The following ST3GAL1 variants were observed in gnomAD, a reference collection of about 807,000 sequenced individuals.
ST3GAL1 encodes ST3 beta-galactoside alpha-2,3-sialyltransferase 1, also known as CMP-N-acetylneuraminate-beta-galactosamide-alpha-2,3-sialyltransferase 1.
Under a neutral mutation model 34.1 loss-of-function variants are expected in ST3GAL1, and 16 were observed. The ratio of observed to expected loss-of-function variants is 0.47; its 90% CI spans 0.32 to 0.71. The LOEUF (loss-of-function observed/expected upper bound fraction) is 0.71, where lower values mean the gene tolerates loss of function less well. Among genes scored for constraint, ST3GAL1 ranks in the 30% least tolerant of loss-of-function variants. ST3GAL1 has a pLI of 0.04. For missense variants in ST3GAL1, 353 were observed against 447.4 expected (o/e 0.79, Z 1.90); for synonymous variants, 191 against 184.7 (o/e 1.03, Z -0.28).
Position 133,466,198 on chromosome 8 carries a change from C to T in ST3GAL1, c.307-108G>A. ...CGTTTACTGGGGCCCTCCTGTTCACCCTTCTCTCTGCTGGGCCCCCGGAGA... is the reference window on the plus strand; with the variant it reads ...CGTTTACTGGGGCCCTCCTGTTCACTCTTCTCTCTGCTGGGCCCCCGGAGA... On this transcript the variant is annotated intron_variant, in intron 5 of 9. Transcript: ENST00000522652. The surrounding 1 kb of genome is among the most constrained non-coding windows in gnomAD (Gnocchi z 4.4). The T allele has an allele frequency of 1.7e-6, 2 of 1,160,578 alleles. No homozygotes were observed. Among genetic ancestry groups the T allele is most frequent in the Non-Finnish European group, 2.4e-6 (2 of 831,088 alleles). 71.9% of individuals were successfully genotyped at this position (1,160,578 alleles called of 1,614,324 possible). A position where few individuals can be genotyped will look rare whatever the true frequency, so the allele number is the denominator to read the frequency against.
chr8:133,564,946 T>C (rs889645068), intron 1 of ST3GAL1, among the ~76,000 whole-genome samples: 1 of 152,240 alleles, frequency 6.6e-6, no homozygotes, highest in Non-Finnish European at 1.5e-5. Flanking sequence ...AAGGTCTTCA[T>C]AATGTCTTAC....
chr8:133,539,779 C>T (rs1454717597), intron 2 of ST3GAL1: 2 of 152,158 alleles, frequency 1.3e-5, no homozygotes, highest in Non-Finnish European at 2.9e-5. Context: ...CGCTCGTATT[C>T]CAGCAACTCA....
rs1351687764 is a variant in ST3GAL1 at position 133,556,052 on chromosome 8, C to T, written c.-581-10126G>A. Among the ~76,000 whole-genome samples, 2 of 150,848 alleles carry T rather than the reference C, an allele frequency of 1.3e-5. No individual in the cohort carries two copies. The highest frequency in any genetic ancestry group is 3.0e-5 in the Non-Finnish European group (2 of 67,502). ...GGGATTACAGGCACCTGCCACCACG[C>T]CTGGCTGATTTTTTTTGTATTTTAG... On this transcript the variant is annotated intron_variant, in intron 1 of 9. Coordinates refer to ENST00000522652, the MANE Select transcript of ST3GAL1 (RefSeq NM_173344.3). The surrounding 1 kb of genome is among the most constrained non-coding windows in gnomAD (Gnocchi z 8.9).
At chr8:133,490,161 G>T (rs1214741281) in intron 3 of ST3GAL1, among the ~76,000 whole-genome samples, 1 of 152,174 alleles carries the variant, frequency 6.6e-6, no homozygotes, top group Non-Finnish European at 1.5e-5. Flanking sequence ...CTAAAGTGCA[G>T]TTCCAGGTCC....
At chr8:133,552,638 GAGA>G (rs975452252) in intron 1 of ST3GAL1, among the ~76,000 whole-genome samples, 9 of 152,176 alleles carry the variant, frequency 5.9e-5, no homozygotes, top group Admixed American at 5.2e-4. Flanking sequence ...AAGTAAAAGT[GAGA>G]AGAACTTTGG....
Position 133,466,029 on chromosome 8 carries a change from A to ACTCT in ST3GAL1, c.364_367dup (p.Val123GlufsTer38). On this transcript the variant is annotated frameshift_variant, in exon 6 of 10. Coordinates refer to ENST00000522652, the MANE Select transcript of ST3GAL1 (RefSeq NM_173344.3). LOFTEE classifies it high-confidence loss of function. This position sits in a 1 kb window ranked among gnomAD's most constrained non-coding sequence, Gnocchi z 4.4. ...CATAGGGTCCACATTCCCAGGCACC[A>ACTCT]CTCTGAACAGCTCCTTGATGGTGTC... 1 of 1,614,042 alleles carries ACTCT rather than the reference A, an allele frequency of 6.2e-7. No individual in the cohort carries two copies. The highest frequency in any genetic ancestry group is 8.5e-7 in the Non-Finnish European group (1 of 1,179,964).
chr8:133,563,374 C>A (rs961705601), intron 1 of ST3GAL1, among the ~76,000 whole-genome samples: 4 of 152,106 alleles, frequency 2.6e-5, no homozygotes, highest in Non-Finnish European at 4.4e-5. Context: ...CCATTAAGGG[C>A]TTTAGAATCA....
intron 3 of ST3GAL1, among the ~76,000 whole-genome samples, chr8:133,491,758 C>T (rs73359256): frequency 0.025 from 3,777 of 152,150 alleles, 140 homozygotes; most frequent in African/African-American, 0.083. Flanking sequence ...GAGCGTCAGG[C>T]GACAGCAGGC....
chr8:133,480,862 C>G (rs1216690697), intron 3 of ST3GAL1, among the ~76,000 whole-genome samples: 1 of 152,168 alleles, frequency 6.6e-6, no homozygotes, highest in Non-Finnish European at 1.5e-5. Flanking sequence ...TGTTTACTCC[C>G]CCTTCTTGCT....
chr8:133,481,916 C>A (rs1341447558), intron 3 of ST3GAL1, among the ~76,000 whole-genome samples: 1 of 152,020 alleles, frequency 6.6e-6, no homozygotes, highest in Non-Finnish European at 1.5e-5. Flanking sequence ...ATGTTCTTTT[C>A]TTTGTGGTTG....
chr8:133,480,790 A>G (rs1816352070), intron 3 of ST3GAL1, among the ~76,000 whole-genome samples: 2 of 151,980 alleles, frequency 1.3e-5, no homozygotes, highest in Admixed American at 6.5e-5. Flanking sequence ...TATCTTCCCT[A>G]TCTTCCCCAT....
intron 2 of ST3GAL1, among the ~76,000 whole-genome samples, chr8:133,512,042 ACT>A (rs1299971479): frequency 6.6e-6 from 1 of 152,158 alleles, no homozygotes; most frequent in Non-Finnish European, 1.5e-5. Flanking sequence ...ACAGAGCGAG[ACT>A]CTGTCTCAAA....
chr8:133,569,621 C>T (rs1819506633), intron 1 of ST3GAL1, among the ~76,000 whole-genome samples: 1 of 152,118 alleles, frequency 6.6e-6, no homozygotes, highest in South Asian at 2.1e-4. Flanking sequence ...GAGTGGTGAA[C>T]TCTAGTCAGT....
intron 1 of ST3GAL1, among the ~76,000 whole-genome samples, chr8:133,558,688 G>A (rs16904952): frequency 0.03 from 4,545 of 152,234 alleles, 231 homozygotes; most frequent in African/African-American, 0.1. Flanking sequence ...ATCCGGGGCA[G>A]GTTCCTGACA....
rs1817262778 is a variant in ST3GAL1, at chr8:133,504,110, T to C, written c.-428-4921A>G. 2.0e-5 allele frequency among the ~76,000 whole-genome samples: 3 copies of C among 151,986 alleles called. No individual in the cohort carries two copies. The South Asian group carries it at 6.2e-4, about 31-fold the overall frequency. On this transcript the variant is annotated intron_variant, in intron 2 of 9. Coordinates refer to ENST00000522652, the MANE Select transcript of ST3GAL1 (RefSeq NM_173344.3). ...GATCACTGAAGCCCAGCATGGAAGG[T>C]GGGGAGGGAGGGCATCTGGAGAGTC... is the stretch of plus-strand genomic sequence containing the variant.
intron 2 of ST3GAL1, among the ~76,000 whole-genome samples, chr8:133,519,450 C>A (rs1342020221): frequency 6.6e-6 from 1 of 152,140 alleles, no homozygotes; most frequent in Non-Finnish European, 1.5e-5. Flanking sequence ...AGCTACTGAG[C>A]AAATTCCAGA....
intron 2 of ST3GAL1, among the ~76,000 whole-genome samples, chr8:133,513,378 T>G (rs190553632): frequency 3.9e-5 from 6 of 152,322 alleles, no homozygotes; most frequent in African/African-American, 1.4e-4. Context: ...ACATCACTTT[T>G]CAGGACTTTT....
intron 2 of ST3GAL1, among the ~76,000 whole-genome samples, chr8:133,505,359 G>A (rs1817299383): frequency 6.6e-6 from 1 of 152,118 alleles, no homozygotes; most frequent in South Asian, 2.1e-4. Flanking sequence ...AAAAGATTGT[G>A]GTTCCTCATC....
At chr8:133,491,104 G>A (rs980480273) in intron 3 of ST3GAL1, among the ~76,000 whole-genome samples, 2 of 152,142 alleles carry the variant, frequency 1.3e-5, no homozygotes, top group Non-Finnish European at 2.9e-5. Context: ...ACAAATAGTG[G>A]CTCAGAGTAG....
Sources: allele counts gnomAD v4.1 joint callset (sites outside exome capture counted in the v4.1 genomes callset), GRCh38; gene constraint gnomAD v4.1.1; non-coding constraint Gnocchi (gnomAD v3.1); transcripts MANE v1.5; gene names NCBI Gene and HGNC (gene_info 2026-07-23, HGNC 2026-07-21).